WWC2: variants seen among roughly 807,000 people sequenced by gnomAD.
WWC2 encodes WW and C2 domain containing 2, also known as protein WWC2.
In WWC2, 101 loss-of-function variants were observed where a neutral mutation model predicts 138.5. The ratio of observed to expected loss-of-function variants is 0.73; its 90% CI spans 0.62 to 0.86. The LOEUF (loss-of-function observed/expected upper bound fraction) is 0.86, where lower values mean the gene tolerates loss of function less well. Ranked by LOEUF, WWC2 falls within the 40% of genes least tolerant of loss-of-function variation. WWC2 has a pLI of 0.00. For missense variants in WWC2, 1,420 were observed against 1,419.4 expected, an observed-to-expected ratio of 1.00 and a Z score of -0.01; for synonymous variants, 558 against 538.4, an observed-to-expected ratio of 1.04 and a Z score of -0.50.
chr4:183,110,309 T>G (rs921966776), intron 1 of WWC2, among the ~76,000 whole-genome samples: 1 of 152,208 alleles, frequency 6.6e-6, no homozygotes, highest in Non-Finnish European at 1.5e-5. Flanking sequence ...ACTGACTTTC[T>G]TGTGGCATAT....
intron 1 of WWC2, among the ~76,000 whole-genome samples, chr4:183,109,484 C>T (rs556828947): frequency 2.0e-4 from 30 of 152,038 alleles, no homozygotes; most frequent in Non-Finnish European, 2.6e-4. Flanking sequence ...GGAGGAGTTG[C>T]GAGGGATGGT....
intron 4 of WWC2, among the ~76,000 whole-genome samples, chr4:183,213,467 G>A (rs77496266): frequency 0.017 from 2,545 of 152,278 alleles, 76 homozygotes; most frequent in African/African-American, 0.058. Context: ...AAAGCCAAAC[G>A]CTAGTTTTAT....
intron 21 of WWC2, among the ~76,000 whole-genome samples, chr4:183,301,409 T>C (rs1269200032): frequency 6.6e-6 from 1 of 152,152 alleles, no homozygotes; most frequent in East Asian, 1.9e-4. Flanking sequence ...AGGCTGCTTT[T>C]ATAGACAAAC....
At chr4:183,224,437 T>C (rs914423953) in intron 4 of WWC2, among the ~76,000 whole-genome samples, 4 of 152,214 alleles carry the variant, frequency 2.6e-5, no homozygotes, top group Non-Finnish European at 4.4e-5. Context: ...CACTTCTGTT[T>C]GTTATTTACT....
chr4:183,127,922 A>G (rs925244742), intron 1 of WWC2, among the ~76,000 whole-genome samples: 2 of 152,112 alleles, frequency 1.3e-5, no homozygotes, highest in African/African-American at 4.8e-5. Context: ...CAAGGAAACT[A>G]TGAGAACAAT....
Position 183,316,844 on chromosome 4 carries a change from G to A in WWC2, c.*1115G>A, listed in dbSNP as rs913316875. The A allele has an allele frequency of 1.4e-4, 21 of 152,196 alleles. No individual in the cohort carries two copies. The highest frequency in any genetic ancestry group is 7.9e-4 in the Admixed American group (12 of 15,282). The allele number at this position is 152,196 out of a possible 1,614,324, so 9.4% of individuals were successfully genotyped here. ...TTGGGAGGCAAAGGGAAGAATGTGT[G>A]TGGGGGGATTATTAATTTGAAGTAT... On this transcript the variant is annotated 3_prime_UTR_variant, in exon 23 of 23. Transcript: ENST00000403733.
intron 1 of WWC2, among the ~76,000 whole-genome samples, chr4:183,099,870 G>A (rs1743110622): frequency 6.6e-6 from 1 of 152,176 alleles, no homozygotes. Context: ...GCCCCGGGCC[G>A]ACGCCGCGCG....
intron 22 of WWC2, among the ~76,000 whole-genome samples, chr4:183,314,850 A>G (rs796381590): frequency 1.3e-5 from 2 of 151,678 alleles, no homozygotes; most frequent in Non-Finnish European, 2.9e-5. Context: ...TAGTGTTCTC[A>G]CTCCTCCTTT....
intron 21 of WWC2, among the ~76,000 whole-genome samples, chr4:183,304,784 C>G (rs973629903): frequency 6.6e-6 from 1 of 152,218 alleles, no homozygotes; most frequent in Admixed American, 6.5e-5. Context: ...TTACCCCCAT[C>G]TTACCACAAA....
chr4:183,131,196 C>T (rs1209382232), intron 1 of WWC2, among the ~76,000 whole-genome samples: 1 of 152,086 alleles, frequency 6.6e-6, no homozygotes, highest in Non-Finnish European at 1.5e-5. Context: ...AACTTCACAT[C>T]TTACACGGAA....
At chr4:183,202,679 G>A (rs1187129303) in intron 2 of WWC2, among the ~76,000 whole-genome samples, 1 of 151,854 alleles carries the variant, frequency 6.6e-6, no homozygotes, top group South Asian at 2.1e-4. Context: ...AGATTGAGGG[G>A]AAGTGTTGAG....
intron 21 of WWC2, among the ~76,000 whole-genome samples, chr4:183,300,297 G>A (rs913980962): frequency 6.6e-6 from 1 of 151,934 alleles, no homozygotes; most frequent in Non-Finnish European, 1.5e-5. Context: ...AGAGGACTGG[G>A]GTTCTTCCAG....
intron 1 of WWC2, among the ~76,000 whole-genome samples, chr4:183,114,040 T>C (rs1016553294): frequency 4.6e-5 from 7 of 152,134 alleles, no homozygotes; most frequent in Non-Finnish European, 7.4e-5. Flanking sequence ...CTGTTTCCGA[T>C]GTATAGGTGT....
intron 1 of WWC2, among the ~76,000 whole-genome samples, chr4:183,152,424 A>C (rs1733659798): frequency 6.6e-6 from 1 of 151,674 alleles, no homozygotes; most frequent in Non-Finnish European, 1.5e-5. Flanking sequence ...ACTTGAACCC[A>C]GGAGGTGGAG....
In WWC2 at chr4:183,132,457, C is replaced by CT. The variant is rs761800223; in HGVS notation, c.131+32849dup. Among the ~76,000 whole-genome samples the CT allele has an allele frequency of 7.0e-3, 998 of 142,572 alleles. 9 individuals carry two copies. Among genetic ancestry groups the CT allele is most frequent in the East Asian group, 0.041 (201 of 4,882 alleles). The allele number at this position is 142,572 out of a possible 152,430, so 93.5% of individuals were successfully genotyped here. On this transcript the variant is annotated intron_variant, in intron 1 of 22. Transcript: ENST00000403733. ...AATTTTATAAAAAGATTTTCTGTTTCTTTTTTTTTTTTTTGAGACGGAGTC... is the reference window on the plus strand; with the variant it reads ...AATTTTATAAAAAGATTTTCTGTTTCTTTTTTTTTTTTTTTGAGACGGAGTC...
intron 1 of WWC2, among the ~76,000 whole-genome samples, chr4:183,169,758 T>G (rs1320685744): frequency 6.6e-6 from 1 of 152,170 alleles, no homozygotes; most frequent in Non-Finnish European, 1.5e-5. Context: ...GATTTAAGAC[T>G]GTGCATAAAG....
At chr4:183,208,866 T>G (rs1735514891) in intron 3 of WWC2, 83 bp from the exon 4 acceptor site, 2 of 892,184 alleles carry the variant, frequency 2.2e-6, no homozygotes, top group Non-Finnish European at 3.4e-6. Flanking sequence ...ACATAAATCT[T>G]GTTTTTAGCT....
chr4:183,278,845 C>T (rs1737961883), intron 16 of WWC2, among the ~76,000 whole-genome samples: 2 of 151,374 alleles, frequency 1.3e-5, no homozygotes, highest in Admixed American at 1.3e-4. Context: ...TGAGACTTTG[C>T]TGAAGTTGCT....
At chr4:183,163,182 C>G (rs1204926012) in intron 1 of WWC2, among the ~76,000 whole-genome samples, 1 of 152,206 alleles carries the variant, frequency 6.6e-6, no homozygotes, top group African/African-American at 2.4e-5. Flanking sequence ...CGTGGCCACA[C>G]AGAGATTAGA....
Sources: gnomAD v4.1 joint callset for allele counts (sites outside exome capture counted in the v4.1 genomes callset) on GRCh38, gnomAD v4.1.1 for gene constraint, MANE v1.5 for transcripts, NCBI Gene and HGNC (gene_info 2026-07-23, HGNC 2026-07-21) for gene names.